The following GYS1 variants were observed in gnomAD, a reference collection of about 807,000 sequenced individuals.
GYS1 encodes the protein glycogen [starch] synthase, muscle.
Under a neutral mutation model 89.1 loss-of-function variants are expected in GYS1, and 60 were observed. That is an observed-to-expected ratio of 0.67 (90% CI 0.55 to 0.84). The LOEUF (loss-of-function observed/expected upper bound fraction) is 0.84, where lower values mean the gene tolerates loss of function less well. GYS1 is among the 40% of genes least tolerant of loss of function. The probability of loss-of-function intolerance (pLI) is 0.00; values close to 1 mark genes in which losing one functional copy is unlikely to be tolerated. For synonymous variants in GYS1, 366 were observed against 401.7 expected, an observed-to-expected ratio of 0.91 and a Z score of 1.06; for missense variants, 888 against 1,003.1, an observed-to-expected ratio of 0.89 and a Z score of 1.55.
At chr19:48,974,760 G>GATT (rs1568618224) in intron 10 of GYS1, 27 bp from the exon 11 acceptor site, 11 of 1,471,776 alleles carry the variant, frequency 7.5e-6, no homozygotes, top group Non-Finnish European at 1.0e-5. Context: ...AAGGGTAAGG[G>GATT]GTCATGGAAG....
chr19:48,985,847 C>T lies in GYS1; in HGVS notation c.678+3G>A, dbSNP rs1245477834. The T allele has an allele frequency of 1.9e-6, 3 of 1,612,932 alleles. No homozygotes were observed. The highest frequency in any genetic ancestry group is 2.5e-6 in the Non-Finnish European group (3 of 1,179,992). ...TCCCCCATCTGCCACGGTCCCAGCT[C>T]ACGTTCTCCAGGTTGTTGTAGAAGT... On this transcript the variant is annotated splice_donor_region_variant and intron_variant, in intron 4 of 15. Coordinates refer to ENST00000323798, the MANE Select transcript of GYS1 (RefSeq NM_002103.5).
At chr19:48,984,529 G>C (rs2038811622) in intron 5 of GYS1, among the ~76,000 whole-genome samples, 1 of 151,192 alleles carries the variant, frequency 6.6e-6, no homozygotes, top group Admixed American at 6.6e-5. Context: ...CCGAGTAGCT[G>C]GGATTACAGG....
At chr19:48,985,638 G>A in intron 4 of GYS1, 33 bp from the exon 5 acceptor site, 1 of 1,612,914 alleles carries the variant, frequency 6.2e-7, no homozygotes, top group Non-Finnish European at 8.5e-7. Context: ...CCGGTTAGAA[G>A]GATTGGGGAG....
intron 10 of GYS1, 66 bp downstream of exon 10, chr19:48,977,858 G>A: frequency 2.5e-6 from 3 of 1,206,204 alleles, no homozygotes; most frequent in East Asian, 4.7e-5. Flanking sequence ...GTCTGAGCTG[G>A]CCTGGCAAGC....
chr19:48,990,245 G>A (rs1025418536), intron 2 of GYS1, among the ~76,000 whole-genome samples: 2 of 147,452 alleles, frequency 1.4e-5, no homozygotes, highest in Non-Finnish European at 3.0e-5. Flanking sequence ...CGTGCCGCCT[G>A]ATGGCTTTCT....
rs1366881838 is a variant in GYS1, at chr19:48,968,593, G to GA, written c.*694dup. The GA allele has an allele frequency of 2.2e-6, 1 of 454,442 alleles. No individual in the cohort carries two copies. The highest frequency in any genetic ancestry group is 6.9e-5 in the East Asian group (1 of 14,392). The allele number at this position is 454,442 out of a possible 1,614,324, so 28.2% of individuals were successfully genotyped here. On this transcript the variant is annotated 3_prime_UTR_variant, in exon 16 of 16. Transcript: ENST00000323798. The stretch of plus-strand genomic sequence containing the variant: ...AAAGACAGGAAGGCATCTGGACTGA[G>GA]ACTGTGTGTCCTCCAGAAGGAATGA...
At chr19:48,974,812 T>G (rs1265967524) in intron 10 of GYS1, 79 bp from the exon 11 acceptor site, 19 of 1,006,112 alleles carry the variant, frequency 1.9e-5, no homozygotes, top group Non-Finnish European at 2.7e-5. Context: ...ATGCGGACCC[T>G]GGGGGAGCCA....
intron 5 of GYS1, 78 bp downstream of exon 5, chr19:48,985,383 T>C (rs1470882418): frequency 6.8e-7 from 1 of 1,465,738 alleles, no homozygotes; most frequent in African/African-American, 1.4e-5. Context: ...GTGGGCTTCT[T>C]GGGCTGAGGA....
chr19:48,985,691 G>A, intron 4 of GYS1, 86 bp from the exon 5 acceptor site: 1 of 1,551,168 alleles, frequency 6.4e-7, no homozygotes, highest in Non-Finnish European at 8.9e-7. Context: ...AGAGAAATTG[G>A]TGCTGGGGGC....
chr19:48,991,862 G>A lies in GYS1; in HGVS notation c.119-379C>T, dbSNP rs1255820871. ...ACTGACTACCCGGACTCAGGTTCCC[G>A]AGTTCCCAGCTCACAGGAGCTGGGT... On this transcript the variant is annotated intron_variant, in intron 1 of 15. Transcript: ENST00000323798. This position sits in a 1 kb window ranked among gnomAD's most constrained non-coding sequence, Gnocchi z 4.7. Among the ~76,000 whole-genome samples, 1 of 152,030 alleles carries A rather than the reference G, an allele frequency of 6.6e-6. No individual in the cohort carries two copies. Among genetic ancestry groups the A allele is most frequent in the Non-Finnish European group, 1.5e-5 (1 of 67,970 alleles).
chr19:48,970,343 C>T lies in GYS1; in HGVS notation c.1809+203G>A, dbSNP rs187843334. On this transcript the variant is annotated intron_variant, in intron 14 of 15. Coordinates refer to ENST00000323798, the MANE Select transcript of GYS1 (RefSeq NM_002103.5). ...AATGTTGCCCAGGCTGGTCTCTTAA[C>T]TCCTGAGCTCATGCGATCCTTCCTG... is the stretch of plus-strand genomic sequence containing the variant. The T allele has an allele frequency of 1.2e-4, 70 of 587,398 alleles. No individual in the cohort carries two copies. The East Asian group carries it at 1.5e-3, about 12-fold the overall frequency. 36.4% of individuals were successfully genotyped at this position (587,398 alleles called of 1,614,324 possible).
intron 2 of GYS1, among the ~76,000 whole-genome samples, chr19:48,990,117 C>T (rs372551712): frequency 6.6e-6 from 1 of 151,860 alleles, no homozygotes; most frequent in South Asian, 2.1e-4. Flanking sequence ...GGATTCCAGA[C>T]CCCACCCCAA....
intron 6 of GYS1, 109 bp from the exon 7 acceptor site, chr19:48,982,484 G>T: frequency 7.7e-7 from 1 of 1,296,198 alleles, no homozygotes. Context: ...GATGTCTTAG[G>T]TAATACAGAG....
intron 8 of GYS1, among the ~76,000 whole-genome samples, chr19:48,980,659 CAAAA>C (rs35768030): frequency 7.0e-6 from 1 of 142,350 alleles, no homozygotes; most frequent in African/African-American, 2.6e-5. Context: ...GACTCTGTTT[CAAAA>C]AAAAAAAAAA....
chr19:48,974,865 T>C, intron 10 of GYS1, 132 bp from the exon 11 acceptor site: 2 of 648,326 alleles, frequency 3.1e-6, no homozygotes, highest in Non-Finnish European at 2.8e-6. Context: ...CAAACCCAAG[T>C]GATCACCAGG....
chr19:48,991,945 G>A lies in GYS1; in HGVS notation c.119-462C>T, dbSNP rs1236212052. Among the ~76,000 whole-genome samples the A allele has an allele frequency of 6.6e-6, 1 of 152,058 alleles. No homozygotes were observed. Among genetic ancestry groups the A allele is most frequent in the Non-Finnish European group, 1.5e-5 (1 of 67,986 alleles). ...GGGAGACCCCCTCATGGCCAATCCA[G>A]CTTCTCACCATTGCCCAAGAGAAGC... is the stretch of plus-strand genomic sequence containing the variant. On this transcript the variant is annotated intron_variant, in intron 1 of 15. Coordinates refer to ENST00000323798, the MANE Select transcript of GYS1 (RefSeq NM_002103.5). This position sits in a 1 kb window ranked among gnomAD's most constrained non-coding sequence, Gnocchi z 4.7.
intron 12 of GYS1, among the ~76,000 whole-genome samples, chr19:48,973,392 C>T (rs778238131): frequency 2.0e-5 from 3 of 151,742 alleles, no homozygotes; most frequent in Non-Finnish European, 4.4e-5. Flanking sequence ...TAAAACAAGG[C>T]CTATGGAAAA....
Position 48,969,417 on chromosome 19 carries a change from G to T in GYS1, c.2085C>A (p.Arg695=). ...TGGTGGAGGAGGTGCAGGACGCTCG[G>T]CGCGGCCACTCTGGTGCACGGATGT... is the stretch of plus-strand genomic sequence containing the variant. ...RRNIRAPEWP[R]RASCTSSTSG... Residue 695 remains arginine, a synonymous_variant, in exon 16 of 16, where the codon CGC becomes CGA. Coordinates refer to ENST00000323798, the MANE Select transcript of GYS1 (RefSeq NM_002103.5). 1 of 1,548,690 alleles carries T rather than the reference G, an allele frequency of 6.5e-7. No homozygotes were observed.
In GYS1 at chr19:48,991,263, T is replaced by C. The variant is rs945088732; in HGVS notation, c.300+39A>G. The C allele has an allele frequency of 6.2e-7, 1 of 1,603,140 alleles. No individual in the cohort carries two copies. The highest frequency in any genetic ancestry group is 8.5e-7 in the Non-Finnish European group (1 of 1,172,622). Reference sequence around the variant, plus strand: ...TGTGGCTCCCACCCCGATGGCAGGCTGTCCACCCGCTTCTGCCCTGGGCTG... The same window carrying C: ...TGTGGCTCCCACCCCGATGGCAGGCCGTCCACCCGCTTCTGCCCTGGGCTG... On this transcript the variant is annotated intron_variant, in intron 2 of 15. Coordinates refer to ENST00000323798, the MANE Select transcript of GYS1 (RefSeq NM_002103.5). The surrounding 1 kb of genome is among the most constrained non-coding windows in gnomAD (Gnocchi z 4.7).
Sources: allele counts gnomAD v4.1 joint callset (sites outside exome capture counted in the v4.1 genomes callset), GRCh38; gene constraint gnomAD v4.1.1; non-coding constraint Gnocchi (gnomAD v3.1); transcripts MANE v1.5; gene names NCBI Gene and HGNC (gene_info 2026-07-23, HGNC 2026-07-21).